BCLAF3: variants seen among roughly 807,000 people sequenced by gnomAD.
BCLAF3 encodes the protein BCLAF1 and THRAP3 family member 3, also known as transient octamer binding factor 1.
A neutral mutation model predicts 51.2 loss-of-function variants in BCLAF3; 24 were observed. The ratio of observed to expected loss-of-function variants is 0.47; its 90% CI spans 0.34 to 0.66. The LOEUF is 0.66. BCLAF3 is among the 30% of genes least tolerant of loss of function. The pLI, the probability that BCLAF3 is intolerant of heterozygous loss-of-function variation, is 0.01. For missense variants in BCLAF3, 465 were observed against 525.1 expected (o/e 0.89, Z 1.12); for synonymous variants, 152 against 176.6 (o/e 0.86, Z 1.10).
At chrX:19,947,021 G>A (rs910358505) in intron 8 of BCLAF3, among the ~76,000 whole-genome samples, 3 of 111,964 alleles carry the variant, frequency 2.7e-5, no homozygotes, top group African/African-American at 9.7e-5. Context: ...TAAGTAACAC[G>A]AAGACAAAGG....
chrX:19,950,168 T>C (rs1191093056), intron 8 of BCLAF3, among the ~76,000 whole-genome samples: 1 of 112,071 alleles, frequency 8.9e-6, no homozygotes, highest in Non-Finnish European at 1.9e-5. Flanking sequence ...CTAAGCAAAT[T>C]TGTCCAAGAT....
rs1009420748 is a variant in BCLAF3, at chrX:19,923,850, T to A, written c.2106+5935A>T. On this transcript the variant is annotated intron_variant, in intron 11 of 11. Transcript: ENST00000379682. ...GTTTGATTATTTATTTATTTATTTT[T>A]TTTTTTTTTGAGACAGAATCTCACT... is the stretch of plus-strand genomic sequence containing the variant. Among the ~76,000 whole-genome samples the A allele has an allele frequency of 1.4e-3, 149 of 108,697 alleles. 1 individual carries two copies. The highest frequency in any genetic ancestry group is 4.2e-3 in the African/African-American group (126 of 29,866). The allele number at this position is 108,697 out of a possible 115,157, so 94.4% of individuals were successfully genotyped here.
At chrX:19,917,847 T>C (rs2069984645) in intron 11 of BCLAF3, among the ~76,000 whole-genome samples, 1 of 111,613 alleles carries the variant, frequency 9.0e-6, no homozygotes, top group African/African-American at 3.3e-5. Flanking sequence ...TATAAAAAGG[T>C]GTAAGGCTTC....
rs752879387 is a variant in BCLAF3 at position 19,965,032 on chromosome X, C to A, written c.1274+12G>T. On this transcript the variant is annotated intron_variant, in intron 4 of 11. Transcript: ENST00000379682. The stretch of plus-strand genomic sequence containing the variant: ...ATTATTAAATATCATAAAGAAAAAA[C>A]AAAGATAATACCTGAATGTATCTAC... The A allele has an allele frequency of 2.7e-6, 3 of 1,109,450 alleles. No homozygotes were observed. Among genetic ancestry groups the A allele is most frequent in the Admixed American group, 6.2e-5 (2 of 32,039 alleles). 91.4% of individuals were successfully genotyped at this position (1,109,450 alleles called of 1,213,427 possible). A position where few individuals can be genotyped will look rare whatever the true frequency, so the allele number is the denominator to read the frequency against.
At chrX:19,979,940 GGA>G (rs1249839631) in intron 1 of BCLAF3, among the ~76,000 whole-genome samples, 2 of 110,074 alleles carry the variant, frequency 1.8e-5, no homozygotes, top group Non-Finnish European at 3.8e-5. Context: ...AGAATAGTGG[GGA>G]GAGGGAAAGA....
intron 11 of BCLAF3, 95 bp from the exon 12 acceptor site, chrX:19,917,429 T>C (rs960352246): frequency 1.1e-5 from 9 of 782,930 alleles, no homozygotes; most frequent in Non-Finnish European, 1.5e-5. Flanking sequence ...AGTATTTTCG[T>C]TTATACAGTG....
At chrX:19,917,917 C>T (rs755054657) in intron 11 of BCLAF3, among the ~76,000 whole-genome samples, 1 of 111,588 alleles carries the variant, frequency 9.0e-6, no homozygotes, top group Non-Finnish European at 1.9e-5. Context: ...GAATAATGAA[C>T]GTGGATTCTA....
chrX:19,959,503 C>A lies in BCLAF3; in HGVS notation c.1275-3937G>T, dbSNP rs182599843. On this transcript the variant is annotated intron_variant, in intron 4 of 11. Coordinates refer to ENST00000379682, the MANE Select transcript of BCLAF3 (RefSeq NM_001367774.2). ...AAGTGCGGTGGCTCACGCCTGTAAT[C>A]CCAGCTACTCAAGAGGCTGAACACT... Among the ~76,000 whole-genome samples, 334 of 111,292 alleles carry A rather than the reference C, an allele frequency of 3.0e-3. 2 individuals carry two copies. The highest frequency in any genetic ancestry group is 0.011 in the African/African-American group (323 of 30,630).
At chrX:19,960,068 T>A (rs1355427938) in intron 4 of BCLAF3, among the ~76,000 whole-genome samples, 1 of 112,072 alleles carries the variant, frequency 8.9e-6, no homozygotes, top group Non-Finnish European at 1.9e-5. Context: ...AGTGCTGGGA[T>A]TACAGGCGTG....
At chrX:19,978,384 C>T (rs2072499122) in intron 1 of BCLAF3, among the ~76,000 whole-genome samples, 1 of 111,317 alleles carries the variant, frequency 9.0e-6, no homozygotes, top group South Asian at 3.7e-4. Context: ...TTCCAACTCT[C>T]ACGGATGATT....
chrX:19,921,672 C>T (rs2070163250), intron 11 of BCLAF3, among the ~76,000 whole-genome samples: 1 of 110,618 alleles, frequency 9.0e-6, no homozygotes, highest in Non-Finnish European at 1.9e-5. Context: ...CACTGCACTC[C>T]AGCCTGGACG....
At chrX:19,955,814 T>C (rs1344088541) in intron 4 of BCLAF3, among the ~76,000 whole-genome samples, 3 of 111,670 alleles carry the variant, frequency 2.7e-5, no homozygotes, top group Non-Finnish European at 5.7e-5. Flanking sequence ...ATCCTTCAAA[T>C]TCTAAGTGAA....
chrX:19,919,390 C>CA (rs150758887), intron 11 of BCLAF3, among the ~76,000 whole-genome samples: 20,972 of 110,823 alleles, frequency 0.19, 1,703 homozygotes, highest in African/African-American at 0.28. Flanking sequence ...ACTAAAAATA[C>CA]AAAAAAATTA....
intron 1 of BCLAF3, among the ~76,000 whole-genome samples, chrX:19,984,197 C>T (rs1364933882): frequency 5.5e-5 from 6 of 109,994 alleles, no homozygotes; most frequent in Non-Finnish European, 1.1e-4. Flanking sequence ...AAAGCCACAC[C>T]CCACAATGAA....
chrX:19,982,201 G>C (rs942752639), intron 1 of BCLAF3, among the ~76,000 whole-genome samples: 1 of 111,461 alleles, frequency 9.0e-6, no homozygotes, highest in Non-Finnish European at 1.9e-5. Flanking sequence ...CCAACACTTT[G>C]GAAGGCAGAG....
At chrX:19,975,290 C>T (rs1315256300) in intron 1 of BCLAF3, among the ~76,000 whole-genome samples, 1 of 108,773 alleles carries the variant, frequency 9.2e-6, no homozygotes, top group Admixed American at 9.7e-5. Flanking sequence ...GTACGTGGCC[C>T]ACAAAGCCTA....
At chrX:19,958,332 CCAA>C (rs1204310157) in intron 4 of BCLAF3, among the ~76,000 whole-genome samples, 3 of 111,730 alleles carry the variant, frequency 2.7e-5, no homozygotes, top group Non-Finnish European at 5.6e-5. Flanking sequence ...AACAAAAAAC[CCAA>C]CAACAACCAA....
intron 11 of BCLAF3, among the ~76,000 whole-genome samples, chrX:19,919,248 C>T (rs937577392): frequency 1.8e-5 from 2 of 112,219 alleles, no homozygotes; most frequent in African/African-American, 6.5e-5. Context: ...AAGTACTTAG[C>T]ATGTATCTCC....
intron 1 of BCLAF3, among the ~76,000 whole-genome samples, chrX:19,982,276 C>G (rs901049213): frequency 9.0e-6 from 1 of 110,652 alleles, no homozygotes; most frequent in African/African-American, 3.3e-5. Context: ...AACCCCCTCT[C>G]TCCAACAACA....
Sources: allele counts gnomAD v4.1 joint callset (sites outside exome capture counted in the v4.1 genomes callset), GRCh38; gene constraint gnomAD v4.1.1; transcripts MANE v1.5; gene names NCBI Gene and HGNC (gene_info 2026-07-23, HGNC 2026-07-21).